The following BCL7A variants were observed in gnomAD, a reference collection of about 807,000 sequenced individuals.
The protein encoded by BCL7A is BAF chromatin remodeling complex subunit BCL7A.
Under a neutral mutation model 28.4 loss-of-function variants are expected in BCL7A, and 11 were observed. The observed-to-expected ratio is 0.39, with a 90% CI of 0.24 to 0.64. BCL7A has a LOEUF of 0.64. Among genes scored for constraint, BCL7A ranks in the 30% least tolerant of loss-of-function variants. BCL7A has a pLI of 0.50. For synonymous variants in BCL7A, 123 were observed against 103.3 expected, an observed-to-expected ratio of 1.19 and a Z score of -1.15; for missense variants, 222 against 274.8, an observed-to-expected ratio of 0.81 and a Z score of 1.36.
In BCL7A at chr12:122,061,195, C is replaced by T. The variant is rs28643366; in HGVS notation, c.*2032C>T. ...TATTTCCTTCTCTGTTTTTGGGAAA[C>T]GAGAGGCTACAACCAAGACAGCTGA... On this transcript the variant is annotated 3_prime_UTR_variant, in exon 6 of 6. Coordinates refer to ENST00000261822, the MANE Select transcript of BCL7A (RefSeq NM_001024808.3). The T allele has an allele frequency of 0.16, 37,083 of 227,878 alleles. 3,550 individuals are homozygous for T. Among genetic ancestry groups the T allele is most frequent in the East Asian group, 0.27 (4,266 of 15,868 alleles). 14.1% of individuals were successfully genotyped at this position (227,878 alleles called of 1,614,324 possible). A position where few individuals can be genotyped will look rare whatever the true frequency, so the allele number is the denominator to read the frequency against.
intron 4 of BCL7A, among the ~76,000 whole-genome samples, chr12:122,047,718 G>C (rs1446203179): frequency 1.3e-5 from 2 of 151,904 alleles, no homozygotes; most frequent in African/African-American, 2.4e-5. Context: ...TACAGACGGG[G>C]TGTTGCTATG....
intron 4 of BCL7A, among the ~76,000 whole-genome samples, chr12:122,053,925 G>T (rs1263510376): frequency 6.6e-6 from 1 of 152,068 alleles, no homozygotes; most frequent in South Asian, 2.1e-4. Context: ...AAATTTGTAC[G>T]CATGGAGGGA....
chr12:122,053,441 C>A (rs537167700), intron 4 of BCL7A, among the ~76,000 whole-genome samples: 2 of 152,260 alleles, frequency 1.3e-5, no homozygotes, highest in Non-Finnish European at 2.9e-5. Flanking sequence ...TGCCTGCTTG[C>A]TTTTAAACTT....
At chr12:122,023,848 C>T (rs1224214568) in intron 1 of BCL7A, among the ~76,000 whole-genome samples, 3 of 152,252 alleles carry the variant, frequency 2.0e-5, no homozygotes, top group African/African-American at 4.8e-5. Flanking sequence ...GCCTCAGCCC[C>T]TGTGCAAAGA....
intron 1 of BCL7A, among the ~76,000 whole-genome samples, chr12:122,023,704 T>A (rs536598299): frequency 6.6e-6 from 1 of 152,186 alleles, no homozygotes; most frequent in East Asian, 1.9e-4. Context: ...GTACACAGGG[T>A]GCCCGGTGCC....
intron 1 of BCL7A, among the ~76,000 whole-genome samples, chr12:122,023,029 G>C (rs912258395): frequency 5.3e-5 from 8 of 152,150 alleles, no homozygotes; most frequent in African/African-American, 1.9e-4. Flanking sequence ...TCTCTGCACC[G>C]GGGAGAGGGG....
chr12:122,046,437 C>T (rs1380191398), intron 4 of BCL7A, among the ~76,000 whole-genome samples: 2 of 152,188 alleles, frequency 1.3e-5, no homozygotes, highest in African/African-American at 4.8e-5. Flanking sequence ...AGGCTGTCCC[C>T]TGCTGCAGAG....
Position 122,043,982 on chromosome 12 carries a change from T to G in BCL7A, c.368T>G (p.Val123Gly), listed in dbSNP as rs2135852338. 6.2e-7 allele frequency: 1 copy of G among 1,613,904 alleles called. No homozygotes were observed. The highest frequency in any genetic ancestry group is 1.6e-4 in the Middle Eastern group (1 of 6,062). ...SSPAPEPNSA[V>G]PSDGTEAKVD... ...CCCGCTCCAGAGCCCAACTCGGCTG[T>G]GCCCAGCGACGGCACCGAGGCCAAG... is the stretch of plus-strand genomic sequence containing the variant. Residue 123 changes from valine to glycine, a missense_variant, in exon 4 of 6, where the codon GTG (valine) becomes GGG (glycine). Around this residue, in one of 2 missense-constraint regions of BCL7A, gnomAD observed 155 missense variants for 145.7 expected, o/e 1.06. Transcript: ENST00000261822.
At chr12:122,027,495 G>A (rs1016974517) in intron 1 of BCL7A, among the ~76,000 whole-genome samples, 1 of 152,046 alleles carries the variant, frequency 6.6e-6, no homozygotes, top group Admixed American at 6.6e-5. Context: ...AGCAGTGATC[G>A]CACCACCGCA....
intron 1 of BCL7A, among the ~76,000 whole-genome samples, chr12:122,028,601 G>A (rs1037036863): frequency 7.2e-5 from 11 of 152,264 alleles, no homozygotes; most frequent in Admixed American, 5.9e-4. Context: ...ATGGCCAACA[G>A]AATAGCAGGA....
intron 5 of BCL7A, among the ~76,000 whole-genome samples, chr12:122,057,827 G>A (rs1395648305): frequency 6.6e-6 from 1 of 152,154 alleles, no homozygotes; most frequent in African/African-American, 2.4e-5. Context: ...ACCAGGCACT[G>A]TGCCCAGCCC....
intron 1 of BCL7A, among the ~76,000 whole-genome samples, chr12:122,025,484 A>G (rs1225447029): frequency 3.3e-5 from 5 of 151,602 alleles, no homozygotes; most frequent in East Asian, 1.9e-4. Flanking sequence ...AAAATTAGCC[A>G]GGCGTGGTGG....
In BCL7A at chr12:122,060,315, C is replaced by G. The variant is rs1189396967; in HGVS notation, c.*1152C>G. ...CCAACAGCTGGACCGTGTCTCATCCCCAGAACATGCCGTCTGTCCCCACCG... is the reference window on the plus strand; with the variant it reads ...CCAACAGCTGGACCGTGTCTCATCCGCAGAACATGCCGTCTGTCCCCACCG... On this transcript the variant is annotated 3_prime_UTR_variant, in exon 6 of 6. Coordinates refer to ENST00000261822, the MANE Select transcript of BCL7A (RefSeq NM_001024808.3). 4.3e-6 allele frequency: 1 copy of G among 232,814 alleles called. No individual in the cohort carries two copies. The allele number at this position is 232,814 out of a possible 1,614,324, so 14.4% of individuals were successfully genotyped here.
chr12:122,040,595 T>C lies in BCL7A; in HGVS notation c.272-3291T>C, dbSNP rs183548458. Among the ~76,000 whole-genome samples the C allele has an allele frequency of 3.5e-5, 5 of 141,712 alleles. No individual in the cohort carries two copies. The East Asian group carries it at 1.0e-3, about 29-fold the overall frequency. 93.0% of individuals were successfully genotyped at this position (141,712 alleles called of 152,430 possible). On this transcript the variant is annotated intron_variant, in intron 3 of 5. Coordinates refer to ENST00000261822, the MANE Select transcript of BCL7A (RefSeq NM_001024808.3). ...GACCTGGATAAACTCTCCAGAAAAA[T>C]CTAGGATGCTGAACAAACCAGGTCC...
At chr12:122,056,114 T>C (rs1190257787) in intron 5 of BCL7A, among the ~76,000 whole-genome samples, 2 of 152,074 alleles carry the variant, frequency 1.3e-5, no homozygotes, top group Non-Finnish European at 2.9e-5. Flanking sequence ...CAGCGTGCAG[T>C]GAGAAAAGCA....
chr12:122,032,793 G>A (rs1277285025), intron 2 of BCL7A, among the ~76,000 whole-genome samples: 4 of 152,122 alleles, frequency 2.6e-5, no homozygotes, highest in Non-Finnish European at 2.9e-5. Context: ...AGACGGTGCC[G>A]AGAAATGCAA....
At chr12:122,024,295 A>T (rs1883561321) in intron 1 of BCL7A, among the ~76,000 whole-genome samples, 1 of 152,122 alleles carries the variant, frequency 6.6e-6, no homozygotes, top group East Asian at 1.9e-4. Flanking sequence ...TTCTCTAACC[A>T]TGGTGACCCG....
At chr12:122,036,747 A>G (rs1593027150) in intron 3 of BCL7A, among the ~76,000 whole-genome samples, 1 of 150,508 alleles carries the variant, frequency 6.6e-6, no homozygotes. Flanking sequence ...CGCTCCTGTC[A>G]CCCAGGCTGG....
At chr12:122,025,955 A>C (rs1013951452) in intron 1 of BCL7A, among the ~76,000 whole-genome samples, 12 of 150,096 alleles carry the variant, frequency 8.0e-5, no homozygotes, top group African/African-American at 2.9e-4. Flanking sequence ...TCAAAAAAAA[A>C]AAAAAAAAAA....
Sources: allele counts gnomAD v4.1 joint callset (sites outside exome capture counted in the v4.1 genomes callset), GRCh38; gene constraint gnomAD v4.1.1; regional missense constraint gnomAD v4.1.1; transcripts MANE v1.5; gene names NCBI Gene and HGNC (gene_info 2026-07-23, HGNC 2026-07-21).